GALNT13: variants seen among roughly 807,000 people sequenced by gnomAD.
GALNT13 encodes polypeptide N-acetylgalactosaminyltransferase 13.
Under a neutral mutation model 64.2 loss-of-function variants are expected in GALNT13, and 28 were observed. That is an observed-to-expected ratio of 0.44 (90% CI 0.32 to 0.60). The LOEUF (loss-of-function observed/expected upper bound fraction) is 0.60, where lower values mean the gene tolerates loss of function less well. Among genes scored for constraint, GALNT13 ranks in the 20% least tolerant of loss-of-function variants. GALNT13 has a pLI of 0.05. For synonymous variants in GALNT13, 214 were observed against 224.6 expected (o/e 0.95, Z 0.42); for missense variants, 577 against 669.8 (o/e 0.86, Z 1.53).
At chr2:153,873,397 G>T (rs563830030) in intron 1 of GALNT13, among the ~76,000 whole-genome samples, 1 of 152,336 alleles carries the variant, frequency 6.6e-6, no homozygotes, top group South Asian at 2.1e-4. Context: ...AGCCCCTCCC[G>T]CATACCCGAT....
chr2:153,800,810 C>T, the GALNT13 span, among the ~76,000 whole-genome samples: 2 of 152,168 alleles, frequency 1.3e-5, no homozygotes, highest in African/African-American at 4.8e-5. Flanking sequence ...ATTACATCTG[C>T]AGTTACTTCC....
chr2:154,256,810 G>A (rs902049937), intron 7 of GALNT13, among the ~76,000 whole-genome samples: 2 of 151,764 alleles, frequency 1.3e-5, no homozygotes, highest in African/African-American at 2.4e-5. Flanking sequence ...TCAATTGACT[G>A]TTTGGTTGCT....
the GALNT13 span, among the ~76,000 whole-genome samples, chr2:153,544,992 G>T: frequency 6.6e-6 from 1 of 152,172 alleles, no homozygotes. Flanking sequence ...AGGTCTTGGA[G>T]TTGGATCAAT....
intron 4 of GALNT13, among the ~76,000 whole-genome samples, chr2:154,187,644 G>A (rs1359288522): frequency 6.6e-6 from 1 of 151,894 alleles, no homozygotes; most frequent in Non-Finnish European, 1.5e-5. Flanking sequence ...AAAGTTATAG[G>A]CATTCTAGGA....
At chr2:154,302,058 T>C (rs1254340983) in intron 9 of GALNT13, among the ~76,000 whole-genome samples, 1 of 152,054 alleles carries the variant, frequency 6.6e-6, no homozygotes, top group Non-Finnish European at 1.5e-5. Flanking sequence ...CAGAGAAGTA[T>C]ATATATTGAA....
intron 4 of GALNT13, among the ~76,000 whole-genome samples, chr2:154,147,281 C>T (rs1015947262): frequency 3.3e-5 from 5 of 150,450 alleles, no homozygotes; most frequent in African/African-American, 4.9e-5. Flanking sequence ...CTAAAATATA[C>T]GGTTTTACAT....
At chr2:153,356,789 C>CTTTT in the GALNT13 span, among the ~76,000 whole-genome samples, 74 of 104,886 alleles carry the variant, frequency 7.1e-4, 13 homozygotes, top group African/African-American at 9.2e-4. Flanking sequence ...TCTTCTTCCT[C>CTTTT]TTTTTTTTTT....
the GALNT13 span, among the ~76,000 whole-genome samples, chr2:153,431,888 T>C: frequency 6.6e-6 from 1 of 152,222 alleles, no homozygotes; most frequent in African/African-American, 2.4e-5. Flanking sequence ...TCACATTATA[T>C]TGGACCACAT....
intron 4 of GALNT13, among the ~76,000 whole-genome samples, chr2:154,168,712 G>A (rs1685180105): frequency 6.6e-6 from 1 of 151,112 alleles, no homozygotes; most frequent in African/African-American, 2.4e-5. Flanking sequence ...GCATGGTGGT[G>A]GGTGCCTGTA....
At chr2:153,807,087 T>C in the GALNT13 span, among the ~76,000 whole-genome samples, 3 of 152,052 alleles carry the variant, frequency 2.0e-5, no homozygotes, top group Non-Finnish European at 2.9e-5. Context: ...CCATCATCAT[T>C]ATTCATGCCC....
chr2:153,514,554 T>C, the GALNT13 span, among the ~76,000 whole-genome samples: 3 of 152,260 alleles, frequency 2.0e-5, no homozygotes, highest in Middle Eastern at 0.01. Context: ...GGATGTGAGA[T>C]GAGGACCTTT....
At chr2:153,101,560 CTT>C in the GALNT13 span, among the ~76,000 whole-genome samples, 402 of 152,206 alleles carry the variant, frequency 2.6e-3, 1 homozygote, top group African/African-American at 9.2e-3. Flanking sequence ...GCATTCTAGT[CTT>C]TTTTTGTTTT....
chr2:154,122,792 A>T (rs1001497673), intron 3 of GALNT13, among the ~76,000 whole-genome samples: 6 of 152,046 alleles, frequency 3.9e-5, no homozygotes, highest in Non-Finnish European at 8.8e-5. Context: ...TTATAACATC[A>T]GTAGAACTAA....
intron 7 of GALNT13, among the ~76,000 whole-genome samples, chr2:154,246,571 T>C (rs1689792220): frequency 6.6e-6 from 1 of 152,128 alleles, no homozygotes; most frequent in Admixed American, 6.6e-5. Flanking sequence ...ATTGTCTGTA[T>C]AAGCATTACC....
the GALNT13 span, among the ~76,000 whole-genome samples, chr2:153,579,232 G>A: frequency 5.9e-5 from 9 of 152,260 alleles, 1 homozygote; most frequent in East Asian, 1.4e-3. Flanking sequence ...GGACATCAAA[G>A]GGTTGCCCAG....
At chr2:153,209,986 AT>A in the GALNT13 span, among the ~76,000 whole-genome samples, 15 of 152,228 alleles carry the variant, frequency 9.9e-5, 1 homozygote, top group Admixed American at 9.2e-4. Flanking sequence ...ATATAATTAT[AT>A]TTGAATACAA....
chr2:153,431,314 C>T, the GALNT13 span, among the ~76,000 whole-genome samples: 1 of 152,010 alleles, frequency 6.6e-6, no homozygotes, highest in Non-Finnish European at 1.5e-5. Context: ...CTGCTGAGCT[C>T]ACCATTATTT....
At chr2:153,160,866 C>T in the GALNT13 span, among the ~76,000 whole-genome samples, 1 of 152,126 alleles carries the variant, frequency 6.6e-6, no homozygotes, top group Non-Finnish European at 1.5e-5. Flanking sequence ...TTAGATTCAC[C>T]TCCAGGGTCT....
intron 3 of GALNT13, among the ~76,000 whole-genome samples, chr2:153,968,967 G>GT (rs5835494): frequency 0.77 from 116,189 of 151,846 alleles, 44,844 homozygotes; most frequent in East Asian, 0.96. Flanking sequence ...TCTTTTTTTA[G>GT]TTTTTTCACA....
Sources: allele counts gnomAD v4.1 joint callset (sites outside exome capture counted in the v4.1 genomes callset), GRCh38; gene constraint gnomAD v4.1.1; transcripts MANE v1.5; gene names NCBI Gene and HGNC (gene_info 2026-07-23, HGNC 2026-07-21).